Variants in TSPAN32 observed in about 807,000 individuals in gnomAD.
TSPAN32 encodes the protein tetraspanin 32.
A neutral mutation model predicts 42.7 loss-of-function variants in TSPAN32; 47 were observed. The observed-to-expected ratio is 1.10, with a 90% confidence interval of 0.87 to 1.40. TSPAN32 has a LOEUF of 1.40. Ranked by LOEUF, TSPAN32 falls within the 40% of genes most tolerant of loss-of-function variation. TSPAN32 has a pLI of 0.00. For synonymous variants in TSPAN32, 175 were observed against 175.9 expected, an observed-to-expected ratio of 0.99 and a Z score of 0.04; for missense variants, 469 against 424.1, an observed-to-expected ratio of 1.11 and a Z score of -0.93.
At chr11:2,315,205 C>G (rs756497990) in intron 6 of TSPAN32, 3 of 1,158,908 alleles carry the variant, frequency 2.6e-6, no homozygotes, top group African/African-American at 3.4e-5. Flanking sequence ...CCCCGCTCCC[C>G]TCCCCTACTG....
Position 2,316,398 on chromosome 11 carries a change from G to C in TSPAN32, c.627+86G>C, listed in dbSNP as rs1210541937. Reference sequence around the variant, plus strand: ...CCGACTCAGATGGAAGGGTGACCCGGGACAGGATCTCTGGTCTTGAGCCTC... The same window carrying C: ...CCGACTCAGATGGAAGGGTGACCCGCGACAGGATCTCTGGTCTTGAGCCTC... On this transcript the variant is annotated intron_variant, in intron 7 of 9. Transcript: ENST00000182290. 7 of 1,544,988 alleles carry C rather than the reference G, an allele frequency of 4.5e-6. No individual in the cohort carries two copies. In the South Asian group the frequency reaches 7.1e-5, roughly 16 times the overall value.
chr11:2,315,593 G>C, intron 6 of TSPAN32: 1 of 1,179,920 alleles, frequency 8.5e-7, no homozygotes, highest in Non-Finnish European at 1.1e-6. Context: ...GCATGGGCGG[G>C]AGGGAGGCAG....
At chr11:2,314,975 A>G in intron 6 of TSPAN32, 1 of 291,178 alleles carries the variant, frequency 3.4e-6, no homozygotes, top group Non-Finnish European at 6.7e-6. Context: ...GTCTAGGGGG[A>G]AGGGTGCAGG....
chr11:2,305,374 C>CT (rs1554938610), intron 3 of TSPAN32, among the ~76,000 whole-genome samples: 3 of 149,386 alleles, frequency 2.0e-5, no homozygotes, highest in Non-Finnish European at 4.5e-5. Context: ...TAGTCTGCCC[C>CT]CCCCCCCAGA....
chr11:2,305,840 C>T (rs756697996), intron 3 of TSPAN32, among the ~76,000 whole-genome samples: 2 of 152,240 alleles, frequency 1.3e-5, no homozygotes, highest in Non-Finnish European at 2.9e-5. Flanking sequence ...TCCCAAGCCC[C>T]AATGCACTTA....
At chr11:2,316,447 T>C in intron 7 of TSPAN32, 129 bp from the exon 8 acceptor site, 1 of 1,556,262 alleles carries the variant, frequency 6.4e-7, no homozygotes, top group Non-Finnish European at 8.6e-7. Flanking sequence ...CTCAGGGAGC[T>C]GCTCTGGTGT....
intron 2 of TSPAN32, 52 bp downstream of exon 2, chr11:2,303,010 T>G: frequency 1.3e-6 from 2 of 1,519,348 alleles, no homozygotes. Flanking sequence ...GGTGCAAGGG[T>G]GGCTGGCACG....
chr11:2,314,741 G>C, intron 6 of TSPAN32, 170 bp downstream of exon 6: 1 of 612,104 alleles, frequency 1.6e-6, no homozygotes, highest in Non-Finnish European at 2.9e-6. Flanking sequence ...TCGGAGGCTA[G>C]TTAGGGTTCA....
chr11:2,313,755 G>A lies in TSPAN32; in HGVS notation c.456G>A (p.Val152=). 1 of 1,589,210 alleles carries A rather than the reference G, an allele frequency of 6.3e-7. No individual in the cohort carries two copies. Among genetic ancestry groups the A allele is most frequent in the Non-Finnish European group, 8.5e-7 (1 of 1,170,834 alleles). Residue 152 remains valine, a splice_region_variant and synonymous_variant, in exon 5 of 10, where the codon GTG becomes GTA. Transcript: ENST00000182290. This position sits in a 1 kb window ranked among gnomAD's most constrained non-coding sequence, Gnocchi z 9.1. ...RRQELAAIQD[V]FLCCGKKSPF... ...AGGAGCTGGCGGCCATCCAGGACGTGGTGAGCGTGGGGACGGCTGGGTGGC... is the reference window on the plus strand; with the variant it reads ...AGGAGCTGGCGGCCATCCAGGACGTAGTGAGCGTGGGGACGGCTGGGTGGC...
At position 2,313,676 on chromosome 11, in the gene TSPAN32, C is replaced by T; in HGVS notation, c.377C>T (p.Thr126Ile). ...CAGGTGGAGGACGCCATGCTGGACA[C>T]CTACGACCTGGTATATGAGCAGGCG... is the stretch of plus-strand genomic sequence containing the variant. ...PTQVEDAMLDTYDLVYEQAMK... is the reference protein window; with the variant it reads ...PTQVEDAMLDIYDLVYEQAMK... Residue 126 changes from threonine to isoleucine, a missense_variant, in exon 5 of 10, where the codon ACC becomes ATC. Physicochemically the swap from Thr to Ile is moderately conservative, Grantham distance 89. Transcript: ENST00000182290. The surrounding 1 kb of genome is among the most constrained non-coding windows in gnomAD (Gnocchi z 9.1). 6.2e-7 allele frequency: 1 copy of T among 1,608,184 alleles called. No individual in the cohort carries two copies. The highest frequency in any genetic ancestry group is 1.1e-5 in the South Asian group (1 of 89,748).
chr11:2,309,553 C>G (rs1032913802), intron 4 of TSPAN32: 2 of 352,294 alleles, frequency 5.7e-6, no homozygotes, highest in Non-Finnish European at 1.2e-5. Context: ...GGGACAGCCA[C>G]GGGCAGGGTC....
chr11:2,312,279 C>A lies in TSPAN32; in HGVS notation c.355-1375C>A, dbSNP rs535263684. 1.2e-3 allele frequency among the ~76,000 whole-genome samples: 184 copies of A among 152,324 alleles called. 1 individual carries two copies. The highest frequency in any genetic ancestry group is 2.1e-4 in the Non-Finnish European group (14 of 68,030). Reference sequence around the variant, plus strand: ...CAACCCCCGGGCCCACTCCGCTGGGCCTCCAGTCCTCACCAGGACCTCCAC... The same window carrying A: ...CAACCCCCGGGCCCACTCCGCTGGGACTCCAGTCCTCACCAGGACCTCCAC... On this transcript the variant is annotated intron_variant, in intron 4 of 9. Transcript: ENST00000182290.
chr11:2,307,450 TG>T (rs1848184087), intron 3 of TSPAN32, among the ~76,000 whole-genome samples: 1 of 152,062 alleles, frequency 6.6e-6, no homozygotes, highest in African/African-American at 2.4e-5. Context: ...TCAGGACTCC[TG>T]GGGGAGCTGC....
At chr11:2,312,509 G>A (rs946957426) in intron 4 of TSPAN32, among the ~76,000 whole-genome samples, 5 of 152,244 alleles carry the variant, frequency 3.3e-5, no homozygotes, top group African/African-American at 4.8e-5. Context: ...TCAATGGGAG[G>A]GATGCATTAG....
intron 6 of TSPAN32, chr11:2,314,932 G>A (rs1197279646): frequency 6.0e-6 from 2 of 333,052 alleles, no homozygotes; most frequent in Non-Finnish European, 1.1e-5. Context: ...AGGGCTCTGT[G>A]CCAAGGGCTG....
chr11:2,306,557 GA>G (rs1285203949), intron 3 of TSPAN32, among the ~76,000 whole-genome samples: 4 of 151,386 alleles, frequency 2.6e-5, no homozygotes, highest in African/African-American at 9.7e-5. Context: ...GAGAGAGAAA[GA>G]GAGAAAGAGA....
At chr11:2,315,845 A>G in intron 6 of TSPAN32, 1 of 1,368,860 alleles carries the variant, frequency 7.3e-7, no homozygotes, top group African/African-American at 1.5e-5. Flanking sequence ...CCTCCCTGTT[A>G]GCCATCACCC....
intron 4 of TSPAN32, chr11:2,309,549 G>C (rs1000061442): frequency 5.6e-6 from 2 of 354,918 alleles, no homozygotes; most frequent in African/African-American, 4.2e-5. Context: ...ACCAGGGACA[G>C]CCACGGGCAG....
chr11:2,309,811 A>AT (rs1564960932), intron 4 of TSPAN32, among the ~76,000 whole-genome samples: 2 of 149,962 alleles, frequency 1.3e-5, no homozygotes. Context: ...TGGTTTGCAA[A>AT]TGGGGGGACT....
Sources: gnomAD v4.1 joint callset for allele counts (sites outside exome capture counted in the v4.1 genomes callset) on GRCh38, gnomAD v4.1.1 for gene constraint, Gnocchi (gnomAD v3.1) non-coding constraint, MANE v1.5 for transcripts, NCBI Gene and HGNC (gene_info 2026-07-23, HGNC 2026-07-21) for gene names.